Variants in SFRP1 observed in about 807,000 individuals in gnomAD.
SFRP1 encodes the protein secreted frizzled-related protein 1.
A neutral mutation model predicts 25.9 loss-of-function variants in SFRP1; 9 were observed. The observed-to-expected ratio is 0.35, with a 90% CI of 0.21 to 0.61. The LOEUF (loss-of-function observed/expected upper bound fraction) is 0.61, where lower values mean the gene tolerates loss of function less well. Among genes scored for constraint, SFRP1 ranks in the 20% least tolerant of loss-of-function variants. SFRP1 has a pLI of 0.78. For missense variants in SFRP1, 346 were observed against 418.2 expected (o/e 0.83, Z 1.51); for synonymous variants, 178 against 174.0 (o/e 1.02, Z -0.18).
At chr8:41,273,827 G>A (rs1418145464) in intron 2 of SFRP1, among the ~76,000 whole-genome samples, 3 of 152,140 alleles carry the variant, frequency 2.0e-5, no homozygotes, top group East Asian at 3.9e-4. Flanking sequence ...AGAGGAGACT[G>A]ACATGTGAGT....
intron 2 of SFRP1, among the ~76,000 whole-genome samples, chr8:41,267,043 T>G (rs1803444577): frequency 6.6e-6 from 1 of 152,218 alleles, no homozygotes; most frequent in Non-Finnish European, 1.5e-5. Flanking sequence ...GCACTAATGT[T>G]CTGCCAACTG....
intron 2 of SFRP1, among the ~76,000 whole-genome samples, chr8:41,274,352 T>C (rs149150437): frequency 5.6e-4 from 86 of 152,252 alleles, no homozygotes; most frequent in African/African-American, 1.9e-3. Flanking sequence ...AATATGAACA[T>C]AAGTAACTGG....
At chr8:41,290,886 C>CTTTTTTTTTTTTTTTTTTTTTTTTTTTT (rs561965318) in intron 2 of SFRP1, among the ~76,000 whole-genome samples, 2 of 53,894 alleles carry the variant, frequency 3.7e-5, no homozygotes, top group Non-Finnish European at 8.1e-5. Flanking sequence ...TCTTCCTCGT[C>CTTTTTTTTTTTTTTTTTTTTTTTTTTTT]TTTTTTTTTT....
intron 2 of SFRP1, among the ~76,000 whole-genome samples, chr8:41,266,756 G>C (rs1421335754): frequency 2.6e-5 from 4 of 152,134 alleles, no homozygotes; most frequent in Non-Finnish European, 5.9e-5. Context: ...GTTTTGTTTT[G>C]AAGAGCAAGT....
rs1205739842 is a variant in SFRP1, at chr8:41,309,178, T to G, written c.-19A>C. The G allele has an allele frequency of 1.5e-6, 2 of 1,304,566 alleles. No individual in the cohort carries two copies. Among genetic ancestry groups the G allele is most frequent in the African/African-American group, 3.1e-5 (2 of 64,426 alleles). 80.8% of individuals were successfully genotyped at this position (1,304,566 alleles called of 1,614,324 possible). On this transcript the variant is annotated 5_prime_UTR_variant, in exon 1 of 3. Transcript: ENST00000220772. Reference sequence around the variant, plus strand: ...TGCCCATGCCGGCTCTGCGCCCTGTTCTCCGCGACGTCGGGGCTGCCTCCG... The same window carrying G: ...TGCCCATGCCGGCTCTGCGCCCTGTGCTCCGCGACGTCGGGGCTGCCTCCG...
At chr8:41,305,696 T>C (rs1803987056) in intron 1 of SFRP1, among the ~76,000 whole-genome samples, 1 of 152,196 alleles carries the variant, frequency 6.6e-6, no homozygotes, top group Admixed American at 6.5e-5. Context: ...AAAGCAAAGG[T>C]TTTGTGTTTA....
intron 2 of SFRP1, among the ~76,000 whole-genome samples, chr8:41,283,583 C>CTT (rs34742703): frequency 0.13 from 17,627 of 139,024 alleles, 1,906 homozygotes; most frequent in East Asian, 0.32. Flanking sequence ...CTCCAACTTT[C>CTT]TTTTTTTTTT....
At chr8:41,288,787 T>G (rs1313378334) in intron 2 of SFRP1, among the ~76,000 whole-genome samples, 1 of 152,196 alleles carries the variant, frequency 6.6e-6, no homozygotes, top group African/African-American at 2.4e-5. Context: ...TGCTTCCCCA[T>G]AGCAGGCTCT....
intron 2 of SFRP1, among the ~76,000 whole-genome samples, chr8:41,293,698 A>G (rs1768756337): frequency 6.6e-6 from 1 of 151,948 alleles, no homozygotes. Flanking sequence ...CAAAGAGCAG[A>G]GACAAAAAAG....
At chr8:41,267,346 T>C (rs55892671) in intron 2 of SFRP1, among the ~76,000 whole-genome samples, 43,388 of 151,968 alleles carry the variant, frequency 0.29, 7,151 homozygotes, top group Middle Eastern at 0.38. Flanking sequence ...AGCGTGGACA[T>C]GCTCTATAAA....
At chr8:41,294,430 G>A (rs1803815331) in intron 2 of SFRP1, among the ~76,000 whole-genome samples, 1 of 152,192 alleles carries the variant, frequency 6.6e-6, no homozygotes, top group Non-Finnish European at 1.5e-5. Flanking sequence ...GCTGATGGAA[G>A]GGCTAGAGAA....
chr8:41,285,760 G>T (rs547790564), intron 2 of SFRP1, among the ~76,000 whole-genome samples: 1 of 152,218 alleles, frequency 6.6e-6, no homozygotes, highest in South Asian at 2.1e-4. Flanking sequence ...GCATTCTGGG[G>T]TGAGGCAGGG....
intron 2 of SFRP1, among the ~76,000 whole-genome samples, chr8:41,267,387 T>C (rs1377952156): frequency 6.6e-6 from 1 of 152,120 alleles, no homozygotes; most frequent in Admixed American, 6.5e-5. Flanking sequence ...GTGTCGCGGG[T>C]ACAATCAACT....
chr8:41,300,617 TG>T (rs1803903419), intron 2 of SFRP1, among the ~76,000 whole-genome samples: 1 of 152,216 alleles, frequency 6.6e-6, no homozygotes, highest in South Asian at 2.1e-4. Flanking sequence ...CTCATATCCC[TG>T]GGATAAACCA....
At position 41,302,241 on chromosome 8, in the gene SFRP1, C is replaced by T. The variant is rs62636769; in HGVS notation, c.622+1220G>A. Among the ~76,000 whole-genome samples the T allele has an allele frequency of 7.6e-3, 1,160 of 152,290 alleles. 9 individuals carry two copies. The highest frequency in any genetic ancestry group is 0.013 in the South Asian group (65 of 4,816). On this transcript the variant is annotated intron_variant, in intron 2 of 2. Coordinates refer to ENST00000220772, the MANE Select transcript of SFRP1 (RefSeq NM_003012.5). The stretch of plus-strand genomic sequence containing the variant: ...CTTCCCCATGCATGGAAACAGGATA[C>T]GCGCTCTCCAGTTTAGCTCTGGTGG...
intron 2 of SFRP1, among the ~76,000 whole-genome samples, chr8:41,297,951 A>C (rs1803864799): frequency 6.6e-6 from 1 of 152,198 alleles, no homozygotes; most frequent in Admixed American, 6.5e-5. Context: ...GATGGGAAGG[A>C]GCAAGGGTGT....
rs558549113 is a variant in SFRP1 at position 41,269,041 on chromosome 8, GT to G, written c.623-3553del. Among the ~76,000 whole-genome samples the G allele has an allele frequency of 6.6e-5, 10 of 152,344 alleles. No individual in the cohort carries two copies. The South Asian group carries it at 2.1e-3, about 32-fold the overall frequency. On this transcript the variant is annotated intron_variant, in intron 2 of 2. Coordinates refer to ENST00000220772, the MANE Select transcript of SFRP1 (RefSeq NM_003012.5). Reference sequence around the variant, plus strand: ...AGGGCACCATCCGACTGCAGGCCTGGTGGATCGACCATCTGAGGAGCCCCTG... The same window carrying G: ...AGGGCACCATCCGACTGCAGGCCTGGGGATCGACCATCTGAGGAGCCCCTG...
At chr8:41,276,149 C>T (rs926309488) in intron 2 of SFRP1, among the ~76,000 whole-genome samples, 8 of 152,176 alleles carry the variant, frequency 5.3e-5, no homozygotes, top group Non-Finnish European at 8.8e-5. Flanking sequence ...CCCTCCTACC[C>T]CACAGAGCCT....
At chr8:41,273,237 C>A (rs955493177) in intron 2 of SFRP1, among the ~76,000 whole-genome samples, 3 of 152,128 alleles carry the variant, frequency 2.0e-5, no homozygotes, top group African/African-American at 7.2e-5. Flanking sequence ...CACCTGTAAT[C>A]CTAGCACTTT....
Sources: gnomAD v4.1 joint callset for allele counts (sites outside exome capture counted in the v4.1 genomes callset) on GRCh38, gnomAD v4.1.1 for gene constraint, MANE v1.5 for transcripts, NCBI Gene and HGNC (gene_info 2026-07-23, HGNC 2026-07-21) for gene names.